TRAPPC3L: variants seen among roughly 807,000 people sequenced by gnomAD.
TRAPPC3L encodes the protein trafficking protein particle complex subunit 3L, also known as trafficking protein particle complex subunit 3-like protein.
In TRAPPC3L, 23 loss-of-function variants were observed where a neutral mutation model predicts 23.7. The ratio of observed to expected loss-of-function variants is 0.97; its 90% confidence interval spans 0.70 to 1.37. The LOEUF is 1.37. Among genes scored for constraint, TRAPPC3L ranks in the 40% most tolerant of loss-of-function variants. TRAPPC3L has a pLI of 0.00. For missense variants in TRAPPC3L, 212 were observed against 216.8 expected (o/e 0.98, Z 0.14); for synonymous variants, 81 against 77.9 (o/e 1.04, Z -0.21).
At chr6:116,506,091 A>G (rs1772002717) in intron 3 of TRAPPC3L, among the ~76,000 whole-genome samples, 1 of 152,218 alleles carries the variant, frequency 6.6e-6, no homozygotes, top group Admixed American at 6.5e-5. Flanking sequence ...CAACCTACAG[A>G]ATGGGAGAAA....
intron 3 of TRAPPC3L, among the ~76,000 whole-genome samples, chr6:116,503,827 G>A (rs1771959878): frequency 6.6e-6 from 1 of 152,134 alleles, no homozygotes; most frequent in African/African-American, 2.4e-5. Context: ...AAACCAATGA[G>A]AAAAAAGGCA....
At chr6:116,518,234 T>G (rs1444874539) in intron 3 of TRAPPC3L, 1 of 151,944 alleles carries the variant, frequency 6.6e-6, no homozygotes, top group East Asian at 1.9e-4. Context: ...TTGGGGGAGA[T>G]CTTATGGGAC....
chr6:116,510,337 C>T (rs9372464), intron 3 of TRAPPC3L, among the ~76,000 whole-genome samples: 62,112 of 151,864 alleles, frequency 0.41, 13,500 homozygotes, highest in East Asian at 0.56. Flanking sequence ...GACTGGAATG[C>T]AGTGGCATGA....
At chr6:116,540,536 T>A in intron 2 of TRAPPC3L, 74 bp from the exon 3 acceptor site, 1 of 1,433,192 alleles carries the variant, frequency 7.0e-7, no homozygotes, top group Non-Finnish European at 9.6e-7. Flanking sequence ...TAAGAAGCGA[T>A]TTGTGTGTTT....
At position 116,496,732 on chromosome 6, in the gene TRAPPC3L, A is replaced by G. The variant is rs1056605697; in HGVS notation, c.*222T>C. The G allele has an allele frequency of 2.0e-6, 1 of 500,858 alleles. No individual in the cohort carries two copies. Among genetic ancestry groups the G allele is most frequent in the South Asian group, 2.9e-5 (1 of 33,936 alleles). The allele number at this position is 500,858 out of a possible 1,614,324, so 31.0% of individuals were successfully genotyped here. On this transcript the variant is annotated 3_prime_UTR_variant, in exon 5 of 5. Coordinates refer to ENST00000368602, the MANE Select transcript of TRAPPC3L (RefSeq NM_001139444.3). ...CCTGCCTGCTATCTTGTAAGGAGCT[A>G]TTTGCATATGAAATTTTGTGGACAT... is the stretch of plus-strand genomic sequence containing the variant.
At chr6:116,543,118 C>A (rs1773564506) in intron 2 of TRAPPC3L, among the ~76,000 whole-genome samples, 185 bp downstream of exon 2, 1 of 152,064 alleles carries the variant, frequency 6.6e-6, no homozygotes, top group Admixed American at 6.6e-5. Flanking sequence ...AAAAATCCTT[C>A]CTATTATCTT....
intron 3 of TRAPPC3L, among the ~76,000 whole-genome samples, chr6:116,531,680 T>C (rs977384405): frequency 2.0e-5 from 3 of 152,276 alleles, no homozygotes; most frequent in South Asian, 2.1e-4. Context: ...AGGATAATTT[T>C]CAAGCATTTT....
chr6:116,508,933 A>T (rs1380535216), intron 3 of TRAPPC3L, among the ~76,000 whole-genome samples: 1 of 152,006 alleles, frequency 6.6e-6, no homozygotes, highest in East Asian at 1.9e-4. Context: ...ATCTAGAAAA[A>T]CCTAAAGACT....
chr6:116,543,035 A>G (rs575782905), intron 2 of TRAPPC3L, among the ~76,000 whole-genome samples: 1 of 152,314 alleles, frequency 6.6e-6, no homozygotes, highest in Non-Finnish European at 1.5e-5. Flanking sequence ...TTTGCTTATA[A>G]GCGACTCTTA....
intron 3 of TRAPPC3L, among the ~76,000 whole-genome samples, chr6:116,501,655 A>G (rs1442547889): frequency 1.3e-5 from 2 of 152,198 alleles, no homozygotes; most frequent in Non-Finnish European, 1.5e-5. Context: ...CCCCTCTGGG[A>G]CAAAGCTTCC....
intron 3 of TRAPPC3L, among the ~76,000 whole-genome samples, chr6:116,501,036 A>G (rs995835991): frequency 6.6e-6 from 1 of 152,228 alleles, no homozygotes; most frequent in Admixed American, 6.5e-5. Context: ...AGGGCAGGGC[A>G]TCGCCTCATG....
At chr6:116,507,627 C>T (rs905359122) in intron 3 of TRAPPC3L, among the ~76,000 whole-genome samples, 2 of 152,002 alleles carry the variant, frequency 1.3e-5, no homozygotes, top group Admixed American at 1.3e-4. Context: ...ATAATATATA[C>T]GGGTTTGGTA....
intron 3 of TRAPPC3L, among the ~76,000 whole-genome samples, chr6:116,530,224 T>C (rs1223724234): frequency 1.3e-5 from 2 of 152,016 alleles, no homozygotes; most frequent in Non-Finnish European, 2.9e-5. Context: ...CCACCCCCCC[T>C]CCTTTTTAAG....
intron 3 of TRAPPC3L, among the ~76,000 whole-genome samples, chr6:116,531,813 T>C (rs1170494435): frequency 6.6e-6 from 1 of 151,476 alleles, no homozygotes; most frequent in African/African-American, 2.4e-5. Context: ...TCTACACTCA[T>C]ATAATAAATA....
intron 3 of TRAPPC3L, among the ~76,000 whole-genome samples, chr6:116,503,442 C>T (rs1199155472): frequency 2.6e-5 from 4 of 152,150 alleles, no homozygotes; most frequent in African/African-American, 9.7e-5. Flanking sequence ...TTTGACACCT[C>T]ACTGTCAATA....
At chr6:116,517,331 A>T (rs1241642515) in intron 3 of TRAPPC3L, 1 of 152,214 alleles carries the variant, frequency 6.6e-6, no homozygotes, top group Non-Finnish European at 1.5e-5. Context: ...TCTTACATTT[A>T]TCAGAAATAA....
Position 116,538,311 on chromosome 6 carries a change from G to A in TRAPPC3L, c.240+2052C>T, listed in dbSNP as rs117491836. Among the ~76,000 whole-genome samples the A allele has an allele frequency of 1.7e-3, 252 of 152,242 alleles. 8 individuals carry two copies. In the East Asian group the frequency reaches 0.044, roughly 27 times the overall value. The stretch of plus-strand genomic sequence containing the variant: ...TATTCTCTGGGCCAAGGGCATTTAC[G>A]GTATTGAGCATATTTCAGATAATCT... On this transcript the variant is annotated intron_variant, in intron 3 of 4. Transcript: ENST00000368602.
At chr6:116,532,138 T>C (rs1456738089) in intron 3 of TRAPPC3L, among the ~76,000 whole-genome samples, 2 of 152,196 alleles carry the variant, frequency 1.3e-5, no homozygotes, top group Non-Finnish European at 2.9e-5. Context: ...GTGTTAGTAT[T>C]GAGCAGACAG....
At chr6:116,513,303 A>G (rs1772161454) in intron 3 of TRAPPC3L, among the ~76,000 whole-genome samples, 1 of 152,212 alleles carries the variant, frequency 6.6e-6, no homozygotes, top group African/African-American at 2.4e-5. Flanking sequence ...GTCAAAAAAT[A>G]CTCCAAAACA....
Sources: allele counts gnomAD v4.1 joint callset (sites outside exome capture counted in the v4.1 genomes callset), GRCh38; gene constraint gnomAD v4.1.1; transcripts MANE v1.5; gene names NCBI Gene and HGNC (gene_info 2026-07-23, HGNC 2026-07-21).